SLC39A11: variants seen among roughly 807,000 people sequenced by gnomAD.
SLC39A11 encodes solute carrier family 39 member 11, also known as zinc transporter ZIP11.
SLC39A11 carries 33 observed loss-of-function variants against 36.1 expected under a neutral mutation model. The ratio of observed to expected loss-of-function variants is 0.91; its 90% CI spans 0.69 to 1.22. The LOEUF (loss-of-function observed/expected upper bound fraction) is 1.22. Among genes scored for constraint, SLC39A11 ranks in the 50% most tolerant of loss-of-function variants. The probability of loss-of-function intolerance (pLI) is 0.00; values close to 1 mark genes in which losing one functional copy is unlikely to be tolerated. For synonymous variants in SLC39A11, 166 were observed against 170.3 expected (o/e 0.97, Z 0.20); for missense variants, 432 against 430.3 (o/e 1.00, Z -0.03).
At chr17:73,051,031 T>C (rs1014338338) in intron 3 of SLC39A11, among the ~76,000 whole-genome samples, 2 of 152,178 alleles carry the variant, frequency 1.3e-5, no homozygotes, top group Admixed American at 1.3e-4. Context: ...GCAAACTGAG[T>C]GGCTTATAAC....
At chr17:72,896,523 C>G (rs9916821) in intron 5 of SLC39A11, among the ~76,000 whole-genome samples, 4,627 of 152,142 alleles carry the variant, frequency 0.03, 244 homozygotes, top group African/African-American at 0.11. Flanking sequence ...TTTATTCACT[C>G]AGTAAACATT....
intron 5 of SLC39A11, among the ~76,000 whole-genome samples, chr17:72,861,565 T>C (rs1187570929): frequency 6.7e-6 from 1 of 148,934 alleles, no homozygotes; most frequent in African/African-American, 2.5e-5. Flanking sequence ...GAGCAGACTA[T>C]GCTTGATAGA....
At chr17:73,081,662 C>CATATAT (rs1208676067) in intron 3 of SLC39A11, among the ~76,000 whole-genome samples, 59 of 76,878 alleles carry the variant, frequency 7.7e-4, no homozygotes, top group African/African-American at 1.6e-3. Context: ...CACACACACA[C>CATATAT]ACACACACAT....
At chr17:72,995,636 G>A (rs948369657) in intron 4 of SLC39A11, among the ~76,000 whole-genome samples, 5 of 152,150 alleles carry the variant, frequency 3.3e-5, no homozygotes, top group African/African-American at 4.8e-5. Context: ...ACTCTCTCTC[G>A]GCTTGAGTTG....
chr17:72,822,707 T>C (rs2077844571), intron 6 of SLC39A11, among the ~76,000 whole-genome samples: 1 of 150,948 alleles, frequency 6.6e-6, no homozygotes, highest in Non-Finnish European at 1.5e-5. Flanking sequence ...CTTCCAACCC[T>C]AAACTTTTTT....
intron 5 of SLC39A11, among the ~76,000 whole-genome samples, chr17:72,910,208 G>A (rs754671499): frequency 7.9e-5 from 12 of 152,134 alleles, no homozygotes; most frequent in East Asian, 1.9e-4. Context: ...TGGGTACTAC[G>A]CTCCCTATCT....
chr17:73,091,655 G>A (rs2060927892), intron 1 of SLC39A11, among the ~76,000 whole-genome samples: 1 of 152,156 alleles, frequency 6.6e-6, no homozygotes, highest in Non-Finnish European at 1.5e-5. Context: ...CGGCAGACCA[G>A]TAACAACTTT....
At chr17:72,949,972 C>G (rs2085743621) in intron 4 of SLC39A11, among the ~76,000 whole-genome samples, 1 of 148,824 alleles carries the variant, frequency 6.7e-6, no homozygotes, top group Non-Finnish European at 1.5e-5. Context: ...CACACACACA[C>G]ACACACACAC....
chr17:72,980,718 A>G lies in SLC39A11; in HGVS notation c.307-32843T>C, dbSNP rs375962313. Among the ~76,000 whole-genome samples the G allele has an allele frequency of 4.2e-4, 64 of 152,318 alleles. 2 individuals are homozygous for G. In the South Asian group the frequency reaches 0.012, roughly 29 times the overall value. On this transcript the variant is annotated intron_variant, in intron 4 of 9. Transcript: ENST00000255559. ...GCAGAGCTGAAAAGATTAAAGCGGCACCATATAATAAAAATAGAATGTGAG... is the reference window on the plus strand; with the variant it reads ...GCAGAGCTGAAAAGATTAAAGCGGCGCCATATAATAAAAATAGAATGTGAG...
At chr17:72,816,190 C>T (rs911014199) in intron 6 of SLC39A11, among the ~76,000 whole-genome samples, 2 of 152,162 alleles carry the variant, frequency 1.3e-5, no homozygotes, top group African/African-American at 4.8e-5. Flanking sequence ...TGTAGAGTGT[C>T]CTTTCAGCTC....
intron 5 of SLC39A11, among the ~76,000 whole-genome samples, chr17:72,880,932 C>T (rs1009694438): frequency 5.9e-5 from 9 of 151,476 alleles, no homozygotes; most frequent in Non-Finnish European, 1.0e-4. Flanking sequence ...CCGCCCACCT[C>T]GGCCTCCCAA....
intron 5 of SLC39A11, among the ~76,000 whole-genome samples, chr17:72,906,775 T>A (rs1598367758): frequency 6.6e-6 from 1 of 152,256 alleles, no homozygotes; most frequent in Admixed American, 6.5e-5. Context: ...ATGCTTTCCC[T>A]GGACAGCAAA....
chr17:73,070,394 C>T (rs2060127251), intron 3 of SLC39A11, among the ~76,000 whole-genome samples: 1 of 152,212 alleles, frequency 6.6e-6, no homozygotes, highest in African/African-American at 2.4e-5. Context: ...AGGCTTCCCT[C>T]ATCCAAGCTC....
chr17:72,765,778 T>C (rs73352905), intron 6 of SLC39A11, among the ~76,000 whole-genome samples: 2,421 of 152,296 alleles, frequency 0.016, 59 homozygotes, highest in African/African-American at 0.054. Context: ...CATCTTTGTG[T>C]TCTAATGTGG....
chr17:73,029,517 A>G (rs901763645), intron 4 of SLC39A11, among the ~76,000 whole-genome samples: 9 of 152,120 alleles, frequency 5.9e-5, no homozygotes, highest in Non-Finnish European at 1.0e-4. Context: ...ACTGGACGCC[A>G]CTACCACACA....
At chr17:72,992,316 T>C (rs1368696301) in intron 4 of SLC39A11, among the ~76,000 whole-genome samples, 1 of 152,150 alleles carries the variant, frequency 6.6e-6, no homozygotes, top group African/African-American at 2.4e-5. Context: ...ATCACGCCAT[T>C]GCACTCCAGC....
intron 6 of SLC39A11, among the ~76,000 whole-genome samples, chr17:72,809,229 T>TCTCTCTCTCTC (rs1568127723): frequency 7.6e-6 from 1 of 131,394 alleles, no homozygotes; most frequent in African/African-American, 3.3e-5. Flanking sequence ...CTCTCTCTCT[T>TCTCTCTCTCTC]TCTTTCTGCC....
At chr17:72,711,781 G>T (rs2073113056) in intron 7 of SLC39A11, among the ~76,000 whole-genome samples, 1 of 152,280 alleles carries the variant, frequency 6.6e-6, no homozygotes, top group East Asian at 1.9e-4. Flanking sequence ...CCCCTTGATG[G>T]TCATAGCTCT....
chr17:72,960,119 T>C (rs1056499251), intron 4 of SLC39A11, among the ~76,000 whole-genome samples: 1 of 152,246 alleles, frequency 6.6e-6, no homozygotes. Context: ...CAGTGTTTAA[T>C]GCAATTCTAT....
Sources: gnomAD v4.1 joint callset for allele counts (sites outside exome capture counted in the v4.1 genomes callset) on GRCh38, gnomAD v4.1.1 for gene constraint, MANE v1.5 for transcripts, NCBI Gene and HGNC (gene_info 2026-07-23, HGNC 2026-07-21) for gene names.